The following ANKRD29 variants were observed in gnomAD, a reference collection of about 807,000 sequenced individuals.
ANKRD29 encodes ankyrin repeat domain 29, also known as ankyrin repeat domain-containing protein 29.
ANKRD29 carries 32 observed loss-of-function variants against 38.0 expected under a neutral mutation model. That is an observed-to-expected ratio of 0.84 (90% CI 0.64 to 1.13). The LOEUF (loss-of-function observed/expected upper bound fraction) is 1.13. Ranked by LOEUF, ANKRD29 falls within the 50% of genes most tolerant of loss-of-function variation. The probability of loss-of-function intolerance (pLI) is 0.00; values close to 1 mark genes in which losing one functional copy is unlikely to be tolerated. For missense variants in ANKRD29, 357 were observed against 377.9 expected, an observed-to-expected ratio of 0.94 and a Z score of 0.46; for synonymous variants, 135 against 152.4, an observed-to-expected ratio of 0.89 and a Z score of 0.84.
At chr18:23,616,866 A>G (rs1028572087) in intron 8 of ANKRD29, among the ~76,000 whole-genome samples, 1 of 150,934 alleles carries the variant, frequency 6.6e-6, no homozygotes. Context: ...AAGACTTTAC[A>G]GAAAAAGTTT....
At chr18:23,648,918 GT>G in intron 2 of ANKRD29, 164 bp downstream of exon 2, 1 of 555,698 alleles carries the variant, frequency 1.8e-6, no homozygotes, top group South Asian at 3.2e-5. Flanking sequence ...CCCCCAGCAT[GT>G]TTTTAAGTTC....
In ANKRD29 at chr18:23,599,574, A is replaced by G. The variant is rs1416409988; in HGVS notation, c.*1652T>C. The G allele has an allele frequency of 6.6e-6, 1 of 152,240 alleles. No individual in the cohort carries two copies. Among genetic ancestry groups the G allele is most frequent in the Non-Finnish European group, 1.5e-5 (1 of 68,038 alleles). The allele number at this position is 152,240 out of a possible 1,614,324, so 9.4% of individuals were successfully genotyped here. A position where few individuals can be genotyped will look rare whatever the true frequency, so the allele number is the denominator to read the frequency against. On this transcript the variant is annotated 3_prime_UTR_variant, in exon 10 of 10. Coordinates refer to ENST00000592179, the MANE Select transcript of ANKRD29 (RefSeq NM_173505.4). ...TTGAAATTCGCACAGGAGAAAATGT[A>G]TATTTGTACAAATTTGCTGAATAAA... is the stretch of plus-strand genomic sequence containing the variant.
intron 1 of ANKRD29, among the ~76,000 whole-genome samples, chr18:23,654,082 A>G (rs1177910365): frequency 1.3e-5 from 2 of 151,906 alleles, no homozygotes; most frequent in Non-Finnish European, 2.9e-5. Flanking sequence ...CCCAGCCAAC[A>G]TGGTGAAACT....
chr18:23,607,573 T>C (rs1242990199), intron 9 of ANKRD29, among the ~76,000 whole-genome samples: 1 of 152,208 alleles, frequency 6.6e-6, no homozygotes, highest in Non-Finnish European at 1.5e-5. Flanking sequence ...TAAAAAAAGC[T>C]TTATACTTTC....
rs772778495 is a variant in ANKRD29, at chr18:23,629,861, G to A, written c.520C>T (p.Pro174Ser). The change falls in exon 6 of 10, where the codon CCA becomes TCA. Residue 174 changes from proline (P) to serine (S), a missense_variant. Coordinates refer to ENST00000592179, the MANE Select transcript of ANKRD29 (RefSeq NM_173505.4). The part of the protein sequence containing the change: ...LLASGAKVNQ[P>S]RQDGTAPLWI... ...TCAACAGTGGACATTACCTGCCTTGGCTGGTTGACTTTTGCTCCTGAAGCC... is the reference window on the plus strand; with the variant it reads ...TCAACAGTGGACATTACCTGCCTTGACTGGTTGACTTTTGCTCCTGAAGCC... The A allele has an allele frequency of 4.3e-6, 7 of 1,613,680 alleles. No individual in the cohort carries two copies. The African/African-American group carries it at 9.3e-5, about 22-fold the overall frequency.
chr18:23,623,818 T>A (rs990427956), intron 6 of ANKRD29, among the ~76,000 whole-genome samples: 1 of 151,862 alleles, frequency 6.6e-6, no homozygotes, highest in Admixed American at 6.6e-5. Context: ...AATTTTTTTT[T>A]ATTTTTAGTA....
chr18:23,645,139 C>T (rs566047269), intron 3 of ANKRD29, among the ~76,000 whole-genome samples: 79 of 152,284 alleles, frequency 5.2e-4, no homozygotes, highest in South Asian at 4.8e-3. Context: ...TGGACTTGCC[C>T]AGGAAGCCCA....
chr18:23,644,409 T>C (rs1159221851), intron 3 of ANKRD29, among the ~76,000 whole-genome samples: 1 of 152,216 alleles, frequency 6.6e-6, no homozygotes. Flanking sequence ...AATAAAAAGA[T>C]TAAAGTAATT....
chr18:23,607,455 C>G (rs904427794), intron 9 of ANKRD29, among the ~76,000 whole-genome samples: 2 of 152,176 alleles, frequency 1.3e-5, no homozygotes, highest in Non-Finnish European at 2.9e-5. Context: ...TTAGAGGAAC[C>G]TCTACAGTCA....
chr18:23,609,244 G>A (rs1398835330), intron 9 of ANKRD29: 2 of 151,996 alleles, frequency 1.3e-5, no homozygotes, highest in African/African-American at 4.8e-5. Flanking sequence ...ATGGATCAGC[G>A]ACACCACCCA....
At chr18:23,609,167 C>CT (rs58267201) in intron 9 of ANKRD29, 150,100 of 152,164 alleles carry the variant, frequency 0.99, 74,037 homozygotes, top group East Asian at 1. Flanking sequence ...CGATTTGCTC[C>CT]GGGGGTAACA....
chr18:23,601,126 T>C lies in ANKRD29; in HGVS notation c.*100A>G. The C allele has an allele frequency of 9.9e-7, 1 of 1,014,496 alleles. No individual in the cohort carries two copies. Among genetic ancestry groups the C allele is most frequent in the Non-Finnish European group, 1.4e-6 (1 of 701,766 alleles). The allele number at this position is 1,014,496 out of a possible 1,614,324, so 62.8% of individuals were successfully genotyped here. ...CCACAGGATGGGCATTCTGGGCATC[T>C]TTTTTTTTCATAAAAGAATTTCCAA... is the stretch of plus-strand genomic sequence containing the variant. On this transcript the variant is annotated 3_prime_UTR_variant, in exon 10 of 10. Transcript: ENST00000592179.
chr18:23,621,660 T>C (rs2059798884), intron 6 of ANKRD29, among the ~76,000 whole-genome samples: 1 of 152,082 alleles, frequency 6.6e-6, no homozygotes, highest in South Asian at 2.1e-4. Flanking sequence ...ATTTAATTAA[T>C]CAATAATTCA....
At chr18:23,647,555 C>A (rs938127082) in intron 2 of ANKRD29, 3 of 151,482 alleles carry the variant, frequency 2.0e-5, no homozygotes, top group African/African-American at 7.3e-5. Context: ...GTCGAAGTCT[C>A]GCCTCCCAGG....
At chr18:23,629,289 T>A (rs1291526814) in intron 6 of ANKRD29, among the ~76,000 whole-genome samples, 2 of 152,272 alleles carry the variant, frequency 1.3e-5, no homozygotes, top group Non-Finnish European at 2.9e-5. Flanking sequence ...CCAGACTACA[T>A]TTCTGTTCTT....
In ANKRD29 at chr18:23,637,994, C is replaced by CTTTTTTT. The variant is rs3083465; in HGVS notation, c.330+848_330+854dup. Among the ~76,000 whole-genome samples, 734 of 98,052 alleles carry CTTTTTTT rather than the reference C, an allele frequency of 7.5e-3. 61 individuals carry two copies. Among genetic ancestry groups the CTTTTTTT allele is most frequent in the African/African-American group, 0.028 (675 of 24,534 alleles). The allele number at this position is 98,052 out of a possible 152,430, so 64.3% of individuals were successfully genotyped here. On this transcript the variant is annotated intron_variant, in intron 4 of 9. Coordinates refer to ENST00000592179, the MANE Select transcript of ANKRD29 (RefSeq NM_173505.4). Reference sequence around the variant, plus strand: ...TGTCAAAAATGAAAATCAATTACTTCTTTTTTTTTTTTTTTTTTTTTGAGA... The same window carrying CTTTTTTT: ...TGTCAAAAATGAAAATCAATTACTTCTTTTTTTTTTTTTTTTTTTTTTTTTTTTGAGA...
chr18:23,653,471 G>A (rs761518395), intron 1 of ANKRD29, among the ~76,000 whole-genome samples: 3 of 152,068 alleles, frequency 2.0e-5, no homozygotes, highest in Admixed American at 6.6e-5. Context: ...GGCTGATCTC[G>A]AACTCCTGAC....
rs1283763988 is a variant in ANKRD29 at position 23,616,599 on chromosome 18, ATATAC to A, written c.723+1128_723+1132del. Among the ~76,000 whole-genome samples, 350 of 143,290 alleles carry A rather than the reference ATATAC, an allele frequency of 2.4e-3. 2 individuals carry two copies. The highest frequency in any genetic ancestry group is 8.7e-3 in the African/African-American group (336 of 38,466). The allele number at this position is 143,290 out of a possible 152,430, so 94.0% of individuals were successfully genotyped here. A position where few individuals can be genotyped will look rare whatever the true frequency, so the allele number is the denominator to read the frequency against. On this transcript the variant is annotated intron_variant, in intron 8 of 9. Transcript: ENST00000592179. ...TACAGTATATATATATATATACTAT[ATATAC>A]TATATATATAGTGTATAGTAAATAC...
At position 23,600,061 on chromosome 18, in the gene ANKRD29, G is replaced by T. The variant is rs1410131461; in HGVS notation, c.*1165C>A. The T allele has an allele frequency of 6.6e-6, 1 of 152,376 alleles. No homozygotes were observed. The highest frequency in any genetic ancestry group is 1.5e-5 in the Non-Finnish European group (1 of 68,032). The allele number at this position is 152,376 out of a possible 1,614,324, so 9.4% of individuals were successfully genotyped here. On this transcript the variant is annotated 3_prime_UTR_variant, in exon 10 of 10. Coordinates refer to ENST00000592179, the MANE Select transcript of ANKRD29 (RefSeq NM_173505.4). ...CGTTTATTTTGGTAGATTACAGAAAGAAGGTTTTATTTTTGTATGTGCAGT... is the reference window on the plus strand; with the variant it reads ...CGTTTATTTTGGTAGATTACAGAAATAAGGTTTTATTTTTGTATGTGCAGT...
Sources: allele counts gnomAD v4.1 joint callset (sites outside exome capture counted in the v4.1 genomes callset), GRCh38; gene constraint gnomAD v4.1.1; transcripts MANE v1.5; gene names NCBI Gene and HGNC (gene_info 2026-07-23, HGNC 2026-07-21).